HECW1: variants seen among roughly 807,000 people sequenced by gnomAD.
HECW1 encodes the protein E3 ubiquitin-protein ligase HECW1.
In HECW1, 61 loss-of-function variants were observed where a neutral mutation model predicts 182.3. The ratio of observed to expected loss-of-function variants is 0.33; its 90% CI spans 0.27 to 0.41. HECW1 has a LOEUF of 0.41. Among genes scored for constraint, HECW1 ranks in the 10% least tolerant of loss-of-function variants. The pLI, the probability that HECW1 is intolerant of heterozygous loss-of-function variation, is 1.00. For missense variants in HECW1, 1,739 were observed against 2,108.9 expected (o/e 0.82, Z 3.44); for synonymous variants, 859 against 832.6 (o/e 1.03, Z -0.55).
At chr7:43,341,739 C>T (rs1693626289) in intron 5 of HECW1, among the ~76,000 whole-genome samples, 1 of 151,686 alleles carries the variant, frequency 6.6e-6, no homozygotes, top group African/African-American at 2.4e-5. Flanking sequence ...GTCCGTAATA[C>T]AGCATTCTAA....
At chr7:43,265,860 A>G (rs11979877) in intron 3 of HECW1, among the ~76,000 whole-genome samples, 25,021 of 152,144 alleles carry the variant, frequency 0.16, 2,618 homozygotes, top group South Asian at 0.29. Context: ...ATCTGCTAGA[A>G]TGACTTATAA....
intron 2 of HECW1, among the ~76,000 whole-genome samples, chr7:43,153,367 C>T (rs1789550456): frequency 6.6e-6 from 1 of 152,130 alleles, no homozygotes; most frequent in African/African-American, 2.4e-5. Context: ...TATCCGTGAA[C>T]TTTGGGGTAA....
intron 2 of HECW1, among the ~76,000 whole-genome samples, chr7:43,190,667 G>C (rs971680403): frequency 1.3e-5 from 2 of 152,184 alleles, no homozygotes; most frequent in African/African-American, 4.8e-5. Flanking sequence ...AGGAAAGATT[G>C]AGAAATGCTC....
rs1439564281 is a variant in HECW1, at chr7:43,432,698, T to C, written c.802-5305T>C. Among the ~76,000 whole-genome samples, 2 of 152,224 alleles carry C rather than the reference T, an allele frequency of 1.3e-5. No homozygotes were observed. Among genetic ancestry groups the C allele is most frequent in the Non-Finnish European group, 2.9e-5 (2 of 68,034 alleles). On this transcript the variant is annotated intron_variant, in intron 8 of 29. Coordinates refer to ENST00000395891, the MANE Select transcript of HECW1 (RefSeq NM_015052.5). This position sits in a 1 kb window ranked among gnomAD's most constrained non-coding sequence, Gnocchi z 4.1. ...GTGTTTATGAATGAATGGATACAAC[T>C]TTCCCCTCCTTTATTTACCAACACT...
At chr7:43,356,351 G>A (rs886132614) in intron 5 of HECW1, among the ~76,000 whole-genome samples, 6 of 152,106 alleles carry the variant, frequency 3.9e-5, no homozygotes, top group South Asian at 4.2e-4. Flanking sequence ...TTCAGCAAGC[G>A]GCTATGAAAA....
intron 2 of HECW1, among the ~76,000 whole-genome samples, chr7:43,204,889 G>C (rs1795321904): frequency 6.6e-6 from 1 of 152,124 alleles, no homozygotes; most frequent in South Asian, 2.1e-4. Flanking sequence ...GGAACTGGGA[G>C]ACAAGAGAGC....
intron 10 of HECW1, 28 bp downstream of exon 10, chr7:43,442,657 G>A (rs970172695): frequency 1.8e-5 from 26 of 1,456,482 alleles, no homozygotes; most frequent in African/African-American, 4.2e-5. Flanking sequence ...TTCATGTCTT[G>A]TCCTAGGCTA....
At chr7:43,199,706 T>C (rs547757361) in intron 2 of HECW1, among the ~76,000 whole-genome samples, 30 of 152,346 alleles carry the variant, frequency 2.0e-4, no homozygotes, top group Non-Finnish European at 4.1e-4. Flanking sequence ...ACACATGTTA[T>C]ATATTTTTAG....
intron 5 of HECW1, among the ~76,000 whole-genome samples, chr7:43,348,564 T>A (rs1813983484): frequency 6.6e-6 from 1 of 152,096 alleles, no homozygotes; most frequent in South Asian, 2.1e-4. Flanking sequence ...GGGTTTGGGT[T>A]TGGTTTGTTC....
In HECW1 at chr7:43,469,046, G is replaced by GC; in HGVS notation, c.3041dup (p.Asp1015ArgfsTer34). 1 of 1,614,168 alleles carries GC rather than the reference G, an allele frequency of 6.2e-7. No homozygotes were observed. Among genetic ancestry groups the GC allele is most frequent in the Non-Finnish European group, 8.5e-7 (1 of 1,180,028 alleles). ...CTTGGTGAATTTCATCAACATGTTC[G>GC]CAGACACTCGGCTGGAACTGCCCCG... is the stretch of plus-strand genomic sequence containing the variant. On this transcript the variant is annotated frameshift_variant, in exon 16 of 30. Transcript: ENST00000395891. LOFTEE classifies it high-confidence loss of function.
chr7:43,539,260 T>C (rs908590935), intron 24 of HECW1, among the ~76,000 whole-genome samples: 1 of 152,250 alleles, frequency 6.6e-6, no homozygotes, highest in African/African-American at 2.4e-5. Flanking sequence ...TTTGTGTTTA[T>C]GGTAGCTCAC....
At chr7:43,158,940 A>G (rs986965010) in intron 2 of HECW1, among the ~76,000 whole-genome samples, 3 of 152,184 alleles carry the variant, frequency 2.0e-5, no homozygotes, top group Non-Finnish European at 4.4e-5. Flanking sequence ...GTTAAAATAC[A>G]GATTGCTGGG....
intron 24 of HECW1, among the ~76,000 whole-genome samples, chr7:43,526,818 T>C (rs2080776230): frequency 6.6e-6 from 1 of 152,058 alleles, no homozygotes; most frequent in Non-Finnish European, 1.5e-5. Flanking sequence ...CTGGGCAACA[T>C]AGCAAGACCT....
intron 3 of HECW1, among the ~76,000 whole-genome samples, chr7:43,256,304 A>T (rs1433845054): frequency 1.3e-5 from 2 of 152,210 alleles, no homozygotes; most frequent in Admixed American, 6.5e-5. Flanking sequence ...CAAGCCAAGT[A>T]AAAACATAGT....
intron 2 of HECW1, among the ~76,000 whole-genome samples, chr7:43,226,430 C>A (rs886148550): frequency 3.9e-5 from 6 of 152,190 alleles, no homozygotes; most frequent in Non-Finnish European, 8.8e-5. Context: ...AGGAAAGGGG[C>A]TCTGCCACAT....
Position 43,487,296 on chromosome 7 carries a change from A to G in HECW1, c.3235-4779A>G, listed in dbSNP as rs565114370. ...AACATTGAAGAGCAGCTTGTTTACC[A>G]GTTGCTGAAAACTATTTTCTGAGGA... On this transcript the variant is annotated intron_variant, in intron 17 of 29. Transcript: ENST00000395891. 9.2e-5 allele frequency among the ~76,000 whole-genome samples: 14 copies of G among 152,360 alleles called. No homozygotes were observed. In the South Asian group the frequency reaches 2.9e-3, roughly 32 times the overall value.
intron 6 of HECW1, among the ~76,000 whole-genome samples, chr7:43,382,280 C>T (rs909688580): frequency 9.3e-5 from 14 of 150,702 alleles, no homozygotes; most frequent in Non-Finnish European, 1.5e-4. Flanking sequence ...AGCGAGACTC[C>T]GTCTCAAAAA....
intron 2 of HECW1, among the ~76,000 whole-genome samples, chr7:43,165,684 A>T (rs553487394): frequency 0.026 from 3,942 of 151,734 alleles, 133 homozygotes; most frequent in African/African-American, 0.091. Context: ...AATCACTTAG[A>T]TTTTTTTTTA....
intron 3 of HECW1, among the ~76,000 whole-genome samples, chr7:43,293,155 G>A (rs113332407): frequency 0.01 from 1,504 of 146,634 alleles, 27 homozygotes; most frequent in African/African-American, 0.037. Flanking sequence ...GGGAGGCGGA[G>A]GTTGCAGTAA....
Sources: gnomAD v4.1 joint callset for allele counts (sites outside exome capture counted in the v4.1 genomes callset) on GRCh38, gnomAD v4.1.1 for gene constraint, Gnocchi (gnomAD v3.1) non-coding constraint, MANE v1.5 for transcripts, NCBI Gene and HGNC (gene_info 2026-07-23, HGNC 2026-07-21) for gene names.